The following CA10 variants were observed in gnomAD, a reference collection of about 807,000 sequenced individuals.
CA10 encodes the protein carbonic anhydrase 10 (inactive).
Under a neutral mutation model 44.2 loss-of-function variants are expected in CA10, and 14 were observed. That is an observed-to-expected ratio of 0.32 (90% CI 0.21 to 0.50). The LOEUF (loss-of-function observed/expected upper bound fraction) is 0.50, where lower values mean the gene tolerates loss of function less well. Ranked by LOEUF, CA10 falls within the 20% of genes least tolerant of loss-of-function variation. The probability of loss-of-function intolerance (pLI) is 0.99; values close to 1 mark genes in which losing one functional copy is unlikely to be tolerated. For missense variants in CA10, 350 were observed against 409.7 expected, an observed-to-expected ratio of 0.85 and a Z score of 1.26; for synonymous variants, 159 against 141.6, an observed-to-expected ratio of 1.12 and a Z score of -0.87.
At chr17:51,737,878 G>A (rs185979554) in intron 4 of CA10, among the ~76,000 whole-genome samples, 6 of 152,150 alleles carry the variant, frequency 3.9e-5, no homozygotes. Flanking sequence ...CTGCAGAGAT[G>A]GGGATAGATT....
At chr17:51,933,850 C>T (rs963210976) in intron 2 of CA10, among the ~76,000 whole-genome samples, 3 of 152,118 alleles carry the variant, frequency 2.0e-5, no homozygotes, top group African/African-American at 7.2e-5. Context: ...TATGTGGCAA[C>T]ATGGGTGGGC....
intron 2 of CA10, among the ~76,000 whole-genome samples, chr17:51,935,860 A>G (rs1472145994): frequency 6.6e-6 from 1 of 152,192 alleles, no homozygotes; most frequent in African/African-American, 2.4e-5. Context: ...CCAAAAACAA[A>G]TAGGTCAGAA....
At chr17:51,989,747 G>A (rs376609185) in intron 2 of CA10, among the ~76,000 whole-genome samples, 6 of 152,158 alleles carry the variant, frequency 3.9e-5, no homozygotes, top group African/African-American at 7.2e-5. Context: ...GTTGCAGCTC[G>A]CTTCACAGAC....
intron 3 of CA10, among the ~76,000 whole-genome samples, chr17:51,834,540 T>C (rs1446186595): frequency 6.6e-6 from 1 of 152,172 alleles, no homozygotes; most frequent in Non-Finnish European, 1.5e-5. Flanking sequence ...TAACTGCAGG[T>C]TCAGAGATGC....
intron 1 of CA10, among the ~76,000 whole-genome samples, chr17:52,106,634 G>C (rs769797205): frequency 6.6e-6 from 1 of 152,162 alleles, no homozygotes; most frequent in Non-Finnish European, 1.5e-5. Flanking sequence ...TTAAGGAACT[G>C]TAACAGGCTA....
chr17:52,153,193 A>G (rs1008124302), intron 1 of CA10, among the ~76,000 whole-genome samples: 5 of 152,066 alleles, frequency 3.3e-5, no homozygotes, highest in African/African-American at 9.7e-5. Context: ...TTGACTCACT[A>G]TCTGGAGAGT....
intron 3 of CA10, among the ~76,000 whole-genome samples, chr17:51,751,746 C>G (rs544569451): frequency 6.6e-6 from 1 of 152,266 alleles, no homozygotes; most frequent in African/African-American, 2.4e-5. Context: ...GAGGAGAATG[C>G]AAGATCATAT....
At chr17:51,645,833 A>T (rs1913309539) in intron 6 of CA10, among the ~76,000 whole-genome samples, 1 of 152,228 alleles carries the variant, frequency 6.6e-6, no homozygotes, top group Admixed American at 6.5e-5. Flanking sequence ...CTTCTTCCTC[A>T]TCTTCATCTC....
chr17:51,704,056 G>A (rs957055510), intron 4 of CA10, among the ~76,000 whole-genome samples: 2 of 152,130 alleles, frequency 1.3e-5, no homozygotes, highest in African/African-American at 4.8e-5. Context: ...TCTTTCGATT[G>A]TTTCTATGGA....
chr17:52,036,711 G>A (rs922703047), intron 2 of CA10, among the ~76,000 whole-genome samples: 1 of 152,136 alleles, frequency 6.6e-6, no homozygotes, highest in Non-Finnish European at 1.5e-5. Context: ...CAAACATAGG[G>A]ATAATAAAAG....
At chr17:51,994,255 GT>G (rs11294812) in intron 2 of CA10, among the ~76,000 whole-genome samples, 78,978 of 151,666 alleles carry the variant, frequency 0.52, 21,938 homozygotes, top group African/African-American at 0.71. Flanking sequence ...TAATCCAAGA[GT>G]TTTTTTCCCC....
intron 1 of CA10, among the ~76,000 whole-genome samples, chr17:52,116,466 AAG>A (rs1169786070): frequency 1.3e-5 from 2 of 152,172 alleles, no homozygotes; most frequent in African/African-American, 4.8e-5. Context: ...GTTCATGGGT[AAG>A]AGCAGATAAT....
chr17:51,747,905 T>C, intron 3 of CA10, 87 bp from the exon 4 acceptor site: 1 of 982,810 alleles, frequency 1.0e-6, no homozygotes, highest in Admixed American at 2.5e-5. Flanking sequence ...TCAACACCTT[T>C]TGCTTCCTCT....
In CA10 at chr17:51,979,735, G is replaced by T. The variant is rs559815603; in HGVS notation, c.137-48603C>A. Among the ~76,000 whole-genome samples, 4 of 152,110 alleles carry T rather than the reference G, an allele frequency of 2.6e-5. No individual in the cohort carries two copies. In the South Asian group the frequency reaches 8.3e-4, roughly 32 times the overall value. On this transcript the variant is annotated intron_variant, in intron 2 of 8. Coordinates refer to ENST00000451037, the MANE Select transcript of CA10 (RefSeq NM_020178.5). Reference sequence around the variant, plus strand: ...TGAGAATGGACGGCAGGCCTTATTTGTTTACATGGATTCCATGAAATGCAG... The same window carrying T: ...TGAGAATGGACGGCAGGCCTTATTTTTTTACATGGATTCCATGAAATGCAG...
chr17:51,854,879 C>T (rs902583163), intron 3 of CA10, among the ~76,000 whole-genome samples: 13 of 152,132 alleles, frequency 8.5e-5, no homozygotes, highest in African/African-American at 2.9e-4. Context: ...CAGCTCAGCT[C>T]GCTTAAACCT....
At chr17:52,059,483 G>C (rs1268986724) in intron 2 of CA10, among the ~76,000 whole-genome samples, 1 of 151,932 alleles carries the variant, frequency 6.6e-6, no homozygotes. Context: ...CAAAAAGTCC[G>C]GGGGCACAAA....
At chr17:51,895,064 A>G (rs148099012) in intron 3 of CA10, among the ~76,000 whole-genome samples, 115 of 152,184 alleles carry the variant, frequency 7.6e-4, no homozygotes, top group African/African-American at 2.5e-3. Context: ...TATTCTCATC[A>G]CTGAGCCCAT....
intron 2 of CA10, among the ~76,000 whole-genome samples, chr17:51,943,841 G>A (rs928651590): frequency 1.3e-5 from 2 of 152,130 alleles, no homozygotes; most frequent in African/African-American, 4.8e-5. Flanking sequence ...TCAGCAACAT[G>A]ACCTTAACAA....
At chr17:52,099,666 G>A (rs929168054) in intron 1 of CA10, among the ~76,000 whole-genome samples, 3 of 152,176 alleles carry the variant, frequency 2.0e-5, no homozygotes, top group African/African-American at 7.2e-5. Context: ...ATGTGCTGTC[G>A]GGCAAGAGCA....
Sources: gnomAD v4.1 joint callset for allele counts (sites outside exome capture counted in the v4.1 genomes callset) on GRCh38, gnomAD v4.1.1 for gene constraint, MANE v1.5 for transcripts, NCBI Gene and HGNC (gene_info 2026-07-23, HGNC 2026-07-21) for gene names.